Variants in TLE6 observed in about 807,000 individuals in gnomAD.
TLE6 encodes the protein transducin-like enhancer protein 6.
Under a neutral mutation model 77.1 loss-of-function variants are expected in TLE6, and 72 were observed. That is an observed-to-expected ratio of 0.93 (90% confidence interval 0.77 to 1.14). TLE6 has a LOEUF of 1.14. TLE6 is among the 50% of genes most tolerant of loss of function. The pLI is 0.00. For synonymous variants in TLE6, 366 were observed against 287.3 expected, an observed-to-expected ratio of 1.27 and a Z score of -2.77; for missense variants, 843 against 747.6, an observed-to-expected ratio of 1.13 and a Z score of -1.49.
chr19:2,994,454 C>A (rs1160956405), intron 16 of TLE6, among the ~76,000 whole-genome samples: 4 of 151,862 alleles, frequency 2.6e-5, no homozygotes, highest in Non-Finnish European at 5.9e-5. Context: ...ACTAAAAATA[C>A]AAAAAATTAG....
intron 5 of TLE6, among the ~76,000 whole-genome samples, chr19:2,983,039 C>T (rs1218812954): frequency 6.6e-6 from 1 of 152,150 alleles, no homozygotes; most frequent in Non-Finnish European, 1.5e-5. Flanking sequence ...CCTGTCCTCC[C>T]GCCACCTGGC....
Position 2,980,120 on chromosome 19 carries a change from C to T in TLE6, c.72C>T (p.Asn24=). ...TCCAGCCTTGTCCTGGGATCTCGAA[C>T]TCTGAGAGCTCTCCGACGCTGAATT... is the stretch of plus-strand genomic sequence containing the variant. ...KSTSPCPGIS[N]SESSPTLNYQ... Residue 24 remains asparagine (N), a synonymous_variant, in exon 3 of 17, where the codon AAC becomes AAT. Coordinates refer to ENST00000246112, the MANE Select transcript of TLE6 (RefSeq NM_001143986.2). 1.3e-6 allele frequency: 2 copies of T among 1,550,560 alleles called. No homozygotes were observed. Among genetic ancestry groups the T allele is most frequent in the South Asian group, 1.2e-5 (1 of 84,032 alleles).
At chr19:2,994,201 TGTG>T in intron 16 of TLE6, 106 bp downstream of exon 16, 1 of 907,126 alleles carries the variant, frequency 1.1e-6, no homozygotes, top group Non-Finnish European at 1.7e-6. Context: ...AGTAGCCAGG[TGTG>T]GTGGCTCACG....
intron 14 of TLE6, among the ~76,000 whole-genome samples, chr19:2,993,053 A>AC (rs60126257): frequency 1.4e-5 from 2 of 141,668 alleles, no homozygotes; most frequent in Non-Finnish European, 3.0e-5. Context: ...AAAAAAAAAA[A>AC]CAGAATAATT....
intron 5 of TLE6, among the ~76,000 whole-genome samples, chr19:2,985,049 G>A (rs933975076): frequency 2.0e-5 from 3 of 151,182 alleles, no homozygotes; most frequent in East Asian, 2.0e-4. Flanking sequence ...TCAGGAGTTC[G>A]AGACCAGCCT....
Position 2,988,086 on chromosome 19 carries a change from T to C in TLE6, c.703-5T>C. 1 of 1,552,568 alleles carries C rather than the reference T, an allele frequency of 6.4e-7. No homozygotes were observed. The highest frequency in any genetic ancestry group is 2.4e-5 in the East Asian group (1 of 40,952). On this transcript the variant is annotated splice_region_variant and splice_polypyrimidine_tract_variant and intron_variant, in intron 10 of 16. Coordinates refer to ENST00000246112, the MANE Select transcript of TLE6 (RefSeq NM_001143986.2). ...GGGGGCAGCTGTGATCTCCCCCGCC[T>C]GCAGGAGCCTCCTGGAAGAGCCTCT...
At chr19:2,981,469 G>A in intron 3 of TLE6, 69 bp from the exon 4 acceptor site, 1 of 1,514,320 alleles carries the variant, frequency 6.6e-7, no homozygotes, top group South Asian at 1.2e-5. Flanking sequence ...AGGGGTTGAG[G>A]GTGGGGCTCA....
rs142681514 is a variant in TLE6, at chr19:2,988,652, G to C, written c.741-409G>C. ...TCGCCGCCCCAACACTGGGCTCAAG[G>C]CATTTGGGGAAGACTTTTTCATGGA... On this transcript the variant is annotated intron_variant, in intron 11 of 16. Coordinates refer to ENST00000246112, the MANE Select transcript of TLE6 (RefSeq NM_001143986.2). 1.6e-4 allele frequency among the ~76,000 whole-genome samples: 25 copies of C among 152,240 alleles called. 1 individual carries two copies. The East Asian group carries it at 4.8e-3, about 29-fold the overall frequency.
Position 2,981,559 on chromosome 19 carries a change from G to A in TLE6, c.156G>A (p.Ala52=), listed in dbSNP as rs181485466. Reference sequence around the variant, plus strand: ...TCAGGTTTTCTCCTCATTTTGCTGCGGAGTTGGAGAGCATTTACTACTCGG... The same window carrying A: ...TCAGGTTTTCTCCTCATTTTGCTGCAGAGTTGGAGAGCATTTACTACTCGG... ...QFPRFSPHFA[A]ELESIYYSLH... The change falls in exon 4 of 17, where the codon GCG becomes GCA. Residue 52 remains alanine, a synonymous_variant. Coordinates refer to ENST00000246112, the MANE Select transcript of TLE6 (RefSeq NM_001143986.2). The A allele has an allele frequency of 5.0e-5, 78 of 1,551,490 alleles. 1 individual carries two copies. In the Admixed American group the frequency reaches 1.0e-3, roughly 20 times the overall value.
intron 15 of TLE6, 73 bp from the exon 16 acceptor site, chr19:2,993,946 G>A (rs1004642606): frequency 4.1e-6 from 4 of 987,404 alleles, no homozygotes; most frequent in Non-Finnish European, 4.6e-6. Flanking sequence ...AAAAAAAGGT[G>A]GGTGGGGAGG....
chr19:2,988,114 G>T lies in TLE6; in HGVS notation c.726G>T (p.Arg242=). The change falls in exon 11 of 17, where the codon CGG becomes CGT. Residue 242 remains arginine, a synonymous_variant. Transcript: ENST00000246112. The stretch of plus-strand genomic sequence containing the variant: ...AGGAGCCTCCTGGAAGAGCCTCTCG[G>T]TTTCTACAGTCCATGTAAGTGTCTG... The part of the protein sequence containing the change: ...VVQEPPGRAS[R]FLQSISWDPE... 6.4e-7 allele frequency: 1 copy of T among 1,551,890 alleles called. No homozygotes were observed. The highest frequency in any genetic ancestry group is 8.7e-7 in the Non-Finnish European group (1 of 1,147,086).
In TLE6 at chr19:2,980,683, G is replaced by A. The variant is rs528522823; in HGVS notation, c.134+501G>A. Among the ~76,000 whole-genome samples, 6 of 148,920 alleles carry A rather than the reference G, an allele frequency of 4.0e-5. No homozygotes were observed. In the East Asian group the frequency reaches 1.0e-3, roughly 25 times the overall value. Reference sequence around the variant, plus strand: ...CCCAGGAGGCGGAGGGTTGCAGTGAGCCAGGATCACACCATTACACTCAAG... The same window carrying A: ...CCCAGGAGGCGGAGGGTTGCAGTGAACCAGGATCACACCATTACACTCAAG... On this transcript the variant is annotated intron_variant, in intron 3 of 16. Coordinates refer to ENST00000246112, the MANE Select transcript of TLE6 (RefSeq NM_001143986.2).
At chr19:2,990,220 A>C (rs1267545919) in intron 13 of TLE6, among the ~76,000 whole-genome samples, 1 of 152,088 alleles carries the variant, frequency 6.6e-6, no homozygotes, top group Non-Finnish European at 1.5e-5. Context: ...GTAATGAATA[A>C]AACGAATTTA....
intron 12 of TLE6, 49 bp downstream of exon 12, chr19:2,989,362 G>T (rs745745557): frequency 6.2e-7 from 1 of 1,602,638 alleles, no homozygotes; most frequent in African/African-American, 1.3e-5. Flanking sequence ...GGGAACAGGG[G>T]GTTTGAGGTT....
At chr19:2,986,515 A>G (rs754649537) in intron 5 of TLE6, among the ~76,000 whole-genome samples, 25 of 151,886 alleles carry the variant, frequency 1.6e-4, no homozygotes, top group Non-Finnish European at 3.7e-4. Context: ...GGAGTTGGAG[A>G]CCAGCCTGGC....
chr19:2,986,302 G>T lies in TLE6; in HGVS notation c.223-527G>T, dbSNP rs12610938. ...GTGGTGGTGCATACCTGTAACCCCA[G>T]CTACTCAGGAGGCTGAGATGGGAGG... is the stretch of plus-strand genomic sequence containing the variant. On this transcript the variant is annotated intron_variant, in intron 5 of 16. Transcript: ENST00000246112. 5.1e-4 allele frequency among the ~76,000 whole-genome samples: 78 copies of T among 151,994 alleles called. No homozygotes were observed. The East Asian group carries it at 0.015, about 29-fold the overall frequency.
intron 11 of TLE6, among the ~76,000 whole-genome samples, chr19:2,988,574 A>G (rs773606096): frequency 2.0e-4 from 31 of 151,930 alleles, no homozygotes; most frequent in Non-Finnish European, 4.3e-4. Context: ...CTCCAGCCTG[A>G]GTGACAGCAA....
At chr19:2,979,130 T>A (rs1159103528) in intron 2 of TLE6, among the ~76,000 whole-genome samples, 1 of 151,684 alleles carries the variant, frequency 6.6e-6, no homozygotes, top group Non-Finnish European at 1.5e-5. Context: ...TTTCTTGTAT[T>A]TTTAGTAGAG....
chr19:2,993,037 A>AAC lies in TLE6; in HGVS notation c.1387-394_1387-393insCA, dbSNP rs1292311644. Among the ~76,000 whole-genome samples the AAC allele has an allele frequency of 3.5e-3, 516 of 148,270 alleles. 6 individuals are homozygous for AAC. Among genetic ancestry groups the AAC allele is most frequent in the African/African-American group, 0.012 (495 of 39,842 alleles). Reference sequence around the variant, plus strand: ...AACCCCGTCTCTACTAAAAAAAAAAAAAAAAAAAAAAAAAAACAGAATAAT... The same window carrying AAC: ...AACCCCGTCTCTACTAAAAAAAAAAAACAAAAAAAAAAAAAAAACAGAATAAT... On this transcript the variant is annotated intron_variant, in intron 14 of 16. Coordinates refer to ENST00000246112, the MANE Select transcript of TLE6 (RefSeq NM_001143986.2).
Sources: gnomAD v4.1 joint callset for allele counts (sites outside exome capture counted in the v4.1 genomes callset) on GRCh38, gnomAD v4.1.1 for gene constraint, MANE v1.5 for transcripts, NCBI Gene and HGNC (gene_info 2026-07-23, HGNC 2026-07-21) for gene names.